Variants in UBE2G1 observed in about 807,000 individuals in gnomAD.
UBE2G1 encodes the protein ubiquitin-conjugating enzyme E2 G1.
In UBE2G1, 5 loss-of-function variants were observed where a neutral mutation model predicts 22.7. The observed-to-expected ratio is 0.22, with a 90% CI of 0.12 to 0.46. The LOEUF (loss-of-function observed/expected upper bound fraction) is 0.46, where lower values mean the gene tolerates loss of function less well. UBE2G1 is among the 20% of genes least tolerant of loss of function. UBE2G1 has a pLI of 0.99. For synonymous variants in UBE2G1, 74 were observed against 67.5 expected, an observed-to-expected ratio of 1.10 and a Z score of -0.47; for missense variants, 88 against 203.9, an observed-to-expected ratio of 0.43 and a Z score of 3.46.
intron 1 of UBE2G1, among the ~76,000 whole-genome samples, chr17:4,337,462 G>C (rs983560075): frequency 6.6e-6 from 1 of 151,900 alleles, no homozygotes; most frequent in African/African-American, 2.4e-5. Context: ...AAACCAGCCT[G>C]GCCAACACGG....
At chr17:4,301,914 C>G (rs1234058125) in intron 2 of UBE2G1, 1 of 490,526 alleles carries the variant, frequency 2.0e-6, no homozygotes, top group Non-Finnish European at 4.1e-6. Context: ...GCTGGTCACA[C>G]AACCCCTGGG....
chr17:4,356,367 TTAAA>T (rs529971136), intron 1 of UBE2G1, among the ~76,000 whole-genome samples: 107 of 151,680 alleles, frequency 7.1e-4, no homozygotes, highest in Non-Finnish European at 7.7e-4. Context: ...AAAAAAAAAA[TTAAA>T]TAAATAAATA....
chr17:4,325,853 G>T (rs538470323), intron 1 of UBE2G1, among the ~76,000 whole-genome samples: 1 of 152,222 alleles, frequency 6.6e-6, no homozygotes, highest in South Asian at 2.1e-4. Context: ...AGGTTGACTA[G>T]ACCGCTCAAT....
At chr17:4,287,802 T>C (rs1968984468) in intron 4 of UBE2G1, among the ~76,000 whole-genome samples, 1 of 152,072 alleles carries the variant, frequency 6.6e-6, no homozygotes, top group Admixed American at 6.6e-5. Flanking sequence ...GGAACTATTC[T>C]AGATTAAAGC....
chr17:4,311,936 CA>C (rs940689249), intron 1 of UBE2G1, among the ~76,000 whole-genome samples: 14 of 152,046 alleles, frequency 9.2e-5, no homozygotes, highest in African/African-American at 3.1e-4. Context: ...TTGTTAGGGA[CA>C]AAAAATACAT....
chr17:4,351,020 A>C (rs1012320692), intron 1 of UBE2G1, among the ~76,000 whole-genome samples: 6 of 151,048 alleles, frequency 4.0e-5, no homozygotes, highest in South Asian at 2.1e-4. Context: ...GCGACAGAGC[A>C]AGACTTCGTC....
chr17:4,294,046 A>C (rs534668967), intron 3 of UBE2G1, among the ~76,000 whole-genome samples: 2 of 152,290 alleles, frequency 1.3e-5, no homozygotes, highest in South Asian at 4.1e-4. Context: ...CAATATGTAC[A>C]GCTTTAAATG....
At chr17:4,354,621 G>A (rs1454275122) in intron 1 of UBE2G1, among the ~76,000 whole-genome samples, 1 of 152,134 alleles carries the variant, frequency 6.6e-6, no homozygotes, top group African/African-American at 2.4e-5. Flanking sequence ...ATTTAGGAGG[G>A]TTAGATTGGA....
At chr17:4,363,663 T>C (rs1282968732) in intron 1 of UBE2G1, among the ~76,000 whole-genome samples, 1 of 152,026 alleles carries the variant, frequency 6.6e-6, no homozygotes, top group East Asian at 1.9e-4. Context: ...TATGTAAGAA[T>C]TCAGAGAGGC....
At chr17:4,338,461 T>C (rs1969674911) in intron 1 of UBE2G1, among the ~76,000 whole-genome samples, 1 of 152,204 alleles carries the variant, frequency 6.6e-6, no homozygotes. Flanking sequence ...TCGCATAAGT[T>C]ACACAGTTAG....
At chr17:4,296,414 C>T (rs1181413918) in intron 3 of UBE2G1, among the ~76,000 whole-genome samples, 3 of 152,076 alleles carry the variant, frequency 2.0e-5, no homozygotes, top group Non-Finnish European at 4.4e-5. Context: ...AGGTGTGTGC[C>T]ACCATGCCTA....
chr17:4,351,168 T>C (rs150558930), intron 1 of UBE2G1, among the ~76,000 whole-genome samples: 1 of 149,972 alleles, frequency 6.7e-6, no homozygotes, highest in Admixed American at 6.6e-5. Context: ...AGGGAGACTG[T>C]CTCACGGGGG....
At chr17:4,347,678 C>T (rs536060266) in intron 1 of UBE2G1, among the ~76,000 whole-genome samples, 3 of 152,060 alleles carry the variant, frequency 2.0e-5, no homozygotes, top group South Asian at 4.1e-4. Flanking sequence ...GTTTTCACCA[C>T]GTGGACCAGG....
At chr17:4,296,625 C>T in intron 3 of UBE2G1, 92 bp downstream of exon 3, 1 of 1,298,918 alleles carries the variant, frequency 7.7e-7, no homozygotes, top group Non-Finnish European at 1.1e-6. Context: ...AAAGCAATTT[C>T]ACTGAGAAAC....
At chr17:4,340,919 C>G (rs988248850) in intron 1 of UBE2G1, among the ~76,000 whole-genome samples, 1 of 141,740 alleles carries the variant, frequency 7.1e-6, no homozygotes, top group Non-Finnish European at 1.5e-5. Context: ...AAAACAAAAC[C>G]TTCAAAACCA....
intron 1 of UBE2G1, among the ~76,000 whole-genome samples, chr17:4,353,462 TACACAC>T (rs150917099): frequency 8.1e-5 from 12 of 148,194 alleles, no homozygotes; most frequent in East Asian, 3.9e-4. Context: ...TATATATATA[TACACAC>T]ACACACACAC....
intron 3 of UBE2G1, among the ~76,000 whole-genome samples, chr17:4,290,095 A>G (rs1036122365): frequency 5.9e-5 from 9 of 152,278 alleles, no homozygotes; most frequent in African/African-American, 2.2e-4. Context: ...AAAAAGTAAA[A>G]TATTACTTAT....
chr17:4,321,329 TGCTAACACTGGGTACTTTTACTGCTG>T (rs72202409), intron 1 of UBE2G1, among the ~76,000 whole-genome samples: 19,868 of 152,180 alleles, frequency 0.13, 1,744 homozygotes, highest in Non-Finnish European at 0.19. Flanking sequence ...CCTACAGCCT[TGCTAACACTGGGTACTTTTACTGCTG>T]GCTAACACTG....
At chr17:4,362,650 A>G (rs1969982123) in intron 1 of UBE2G1, among the ~76,000 whole-genome samples, 1 of 152,188 alleles carries the variant, frequency 6.6e-6, no homozygotes, top group African/African-American at 2.4e-5. Flanking sequence ...GGATTGACAG[A>G]CTAGAGGTTC....
Sources: allele counts gnomAD v4.1 joint callset (sites outside exome capture counted in the v4.1 genomes callset), GRCh38; gene constraint gnomAD v4.1.1; transcripts MANE v1.5; gene names NCBI Gene and HGNC (gene_info 2026-07-23, HGNC 2026-07-21).